Variants in RFTN1 observed in about 807,000 individuals in gnomAD.
The protein encoded by RFTN1 is raftlin, lipid raft linker 1.
RFTN1 carries 26 observed loss-of-function variants against 46.5 expected under a neutral mutation model. That is an observed-to-expected ratio of 0.56 (90% CI 0.41 to 0.78). The LOEUF (loss-of-function observed/expected upper bound fraction) is 0.78. Ranked by LOEUF, RFTN1 falls within the 30% of genes least tolerant of loss-of-function variation. The pLI is 0.00. For missense variants in RFTN1, 693 were observed against 718.7 expected (o/e 0.96, Z 0.41); for synonymous variants, 261 against 284.2 (o/e 0.92, Z 0.82).
intron 3 of RFTN1, among the ~76,000 whole-genome samples, chr3:16,430,095 A>T (rs1190742235): frequency 6.6e-6 from 1 of 151,006 alleles, no homozygotes; most frequent in Non-Finnish European, 1.5e-5. Context: ...ATTGATAAAG[A>T]AAAAGTCCGT....
chr3:16,456,363 GA>G (rs1230928553), intron 2 of RFTN1, among the ~76,000 whole-genome samples: 1 of 152,212 alleles, frequency 6.6e-6, no homozygotes, highest in African/African-American at 2.4e-5. Flanking sequence ...CCTCTTTTTA[GA>G]AAATAAGGTA....
chr3:16,393,565 GTTAC>G (rs1191373098), intron 4 of RFTN1, among the ~76,000 whole-genome samples: 1 of 151,978 alleles, frequency 6.6e-6, no homozygotes, highest in African/African-American at 2.4e-5. Flanking sequence ...GACTCTCTCA[GTTAC>G]TTTATTTTGA....
rs183997293 is a variant in RFTN1 at position 16,337,754 on chromosome 3, A to G, written c.1147-10878T>C. Among the ~76,000 whole-genome samples, 186 of 151,946 alleles carry G rather than the reference A, an allele frequency of 1.2e-3. 1 individual carries two copies. Among genetic ancestry groups the G allele is most frequent in the Admixed American group, 9.1e-3 (139 of 15,276 alleles). ...AGACTCCATCTCAAAAAAAAAAAAA[A>G]AAAGAAAAGAAAGTCACCTCATTTG... On this transcript the variant is annotated intron_variant, in intron 7 of 9. Coordinates refer to ENST00000334133, the MANE Select transcript of RFTN1 (RefSeq NM_015150.2). This position sits in a 1 kb window ranked among gnomAD's most constrained non-coding sequence, Gnocchi z 5.0.
intron 6 of RFTN1, among the ~76,000 whole-genome samples, chr3:16,359,154 G>T (rs940708881): frequency 6.6e-6 from 1 of 151,734 alleles, no homozygotes; most frequent in East Asian, 1.9e-4. Context: ...GGTTCATTTT[G>T]ATAAGGGATT....
At chr3:16,354,703 A>G (rs542885076) in intron 7 of RFTN1, among the ~76,000 whole-genome samples, 8 of 152,336 alleles carry the variant, frequency 5.3e-5, no homozygotes, top group African/African-American at 1.9e-4. Context: ...ATTCTTGACA[A>G]CGAAGCCAGG....
At position 16,378,130 on chromosome 3, in the gene RFTN1, C is replaced by G. The variant is rs1324102312; in HGVS notation, c.442-28G>C. On this transcript the variant is annotated intron_variant, in intron 4 of 9. Coordinates refer to ENST00000334133, the MANE Select transcript of RFTN1 (RefSeq NM_015150.2). ...GTGAGGCAAACAAAAGGAAGGGAAA[C>G]AAGTGAATGAAATGGTCTATCAAAG... The G allele has an allele frequency of 1.9e-6, 3 of 1,586,486 alleles. No individual in the cohort carries two copies. In the African/African-American group the frequency reaches 4.0e-5, roughly 21 times the overall value.
rs371334602 is a variant in RFTN1, at chr3:16,324,514, TGA to T, written c.1251-1059_1251-1058del. On this transcript the variant is annotated intron_variant, in intron 8 of 9. Transcript: ENST00000334133. ...ACTCAACTTTTTTAGATTCCACGTA[TGA>T]GAGAGATTATAAGGTATGTCATTCT... Among the ~76,000 whole-genome samples the T allele has an allele frequency of 1.6e-4, 24 of 152,084 alleles. No individual in the cohort carries two copies. In the East Asian group the frequency reaches 3.1e-3, roughly 20 times the overall value.
intron 8 of RFTN1, among the ~76,000 whole-genome samples, chr3:16,323,943 G>A (rs755282228): frequency 7.9e-5 from 12 of 152,190 alleles, no homozygotes; most frequent in Non-Finnish European, 1.8e-4. Context: ...AGACTGCACA[G>A]CACCAGGCGG....
intron 7 of RFTN1, among the ~76,000 whole-genome samples, chr3:16,331,478 A>G (rs2070304888): frequency 6.6e-6 from 1 of 152,226 alleles, no homozygotes; most frequent in African/African-American, 2.4e-5. Context: ...ATAATGCACT[A>G]TGACCATGCC....
At chr3:16,437,241 A>G (rs2075533407) in intron 2 of RFTN1, among the ~76,000 whole-genome samples, 2 of 152,194 alleles carry the variant, frequency 1.3e-5, no homozygotes. Flanking sequence ...GGAAACAGGC[A>G]TGGCCCTCAT....
At chr3:16,455,141 C>T (rs2075884130) in intron 2 of RFTN1, among the ~76,000 whole-genome samples, 1 of 152,206 alleles carries the variant, frequency 6.6e-6, no homozygotes, top group Non-Finnish European at 1.5e-5. Context: ...AAGAGTTGGA[C>T]CCTGTTGGGA....
Position 16,345,786 on chromosome 3 carries a change from C to CTGTGTGTGTG in RFTN1, c.1146+12145_1146+12146insCACACACACA, listed in dbSNP as rs1553726059. Among the ~76,000 whole-genome samples, 21 of 81,628 alleles carry CTGTGTGTGTG rather than the reference C, an allele frequency of 2.6e-4. No individual in the cohort carries two copies. Among genetic ancestry groups the CTGTGTGTGTG allele is most frequent in the African/African-American group, 5.4e-4 (10 of 18,572 alleles). 53.6% of individuals were successfully genotyped at this position (81,628 alleles called of 152,430 possible). On this transcript the variant is annotated intron_variant, in intron 7 of 9. Coordinates refer to ENST00000334133, the MANE Select transcript of RFTN1 (RefSeq NM_015150.2). This position sits in a 1 kb window ranked among gnomAD's most constrained non-coding sequence, Gnocchi z 5.2. ...CATGAGCCAAAACCTTATAATAAAT[C>CTGTGTGTGTG]TCTGTGTGTGTGTGTGTGTGTGTGT...
chr3:16,358,888 T>C (rs1481208308), intron 6 of RFTN1, among the ~76,000 whole-genome samples: 1 of 151,640 alleles, frequency 6.6e-6, no homozygotes, highest in Non-Finnish European at 1.5e-5. Context: ...AAAAATTAGC[T>C]GGGCGTGGCA....
chr3:16,464,018 T>G (rs1282015259), intron 2 of RFTN1, among the ~76,000 whole-genome samples: 1 of 152,092 alleles, frequency 6.6e-6, no homozygotes, highest in Non-Finnish European at 1.5e-5. Flanking sequence ...TACTGAACTG[T>G]AAATCCTTAT....
At position 16,337,673 on chromosome 3, in the gene RFTN1, C is replaced by A. The variant is rs919538514; in HGVS notation, c.1147-10797G>T. On this transcript the variant is annotated intron_variant, in intron 7 of 9. Transcript: ENST00000334133. This position sits in a 1 kb window ranked among gnomAD's most constrained non-coding sequence, Gnocchi z 5.0. ...AGGAGAATCGCTTGAACCCAGGAGGCGGAGGTTGCAGTGAGCCCAGATTGC... is the reference window on the plus strand; with the variant it reads ...AGGAGAATCGCTTGAACCCAGGAGGAGGAGGTTGCAGTGAGCCCAGATTGC... 6.8e-6 allele frequency among the ~76,000 whole-genome samples: 1 copy of A among 147,000 alleles called. No homozygotes were observed. Among genetic ancestry groups the A allele is most frequent in the Non-Finnish European group, 1.5e-5 (1 of 67,480 alleles).
intron 7 of RFTN1, among the ~76,000 whole-genome samples, chr3:16,343,689 A>G (rs1385177551): frequency 6.6e-6 from 1 of 152,206 alleles, no homozygotes; most frequent in African/African-American, 2.4e-5. Context: ...CTAACCTCAT[A>G]TTATCCAATT....
rs1160594861 is a variant in RFTN1, at chr3:16,387,284, C to T, written c.442-9182G>A. Among the ~76,000 whole-genome samples the T allele has an allele frequency of 1.3e-5, 2 of 152,254 alleles. No individual in the cohort carries two copies. The highest frequency in any genetic ancestry group is 2.9e-5 in the Non-Finnish European group (2 of 68,044). On this transcript the variant is annotated intron_variant, in intron 4 of 9. Transcript: ENST00000334133. The surrounding 1 kb of genome is among the most constrained non-coding windows in gnomAD (Gnocchi z 5.2). ...GCCACACGGCCACCCTGCAGTGGCT[C>T]CCTTCCTCCCTGATCAGCTGTCTTG...
rs939106439 is a variant in RFTN1 at position 16,465,350 on chromosome 3, C to T, written c.145+28375G>A. Among the ~76,000 whole-genome samples the T allele has an allele frequency of 8.6e-5, 13 of 151,412 alleles. No homozygotes were observed. Among genetic ancestry groups the T allele is most frequent in the East Asian group, 7.8e-4 (4 of 5,148 alleles). ...AATTTTTATCCATTTGATTGCTGAA[C>T]GCTTTCATCAAGGCAATTCTCTGAG... On this transcript the variant is annotated intron_variant, in intron 2 of 9. Transcript: ENST00000334133. This position sits in a 1 kb window ranked among gnomAD's most constrained non-coding sequence, Gnocchi z 5.1.
At chr3:16,409,987 G>T (rs1033860661) in intron 3 of RFTN1, among the ~76,000 whole-genome samples, 1 of 132,526 alleles carries the variant, frequency 7.5e-6, no homozygotes, top group African/African-American at 2.8e-5. Flanking sequence ...GTGCCCAGAC[G>T]CAGAATATTT....
Sources: allele counts gnomAD v4.1 joint callset (sites outside exome capture counted in the v4.1 genomes callset), GRCh38; gene constraint gnomAD v4.1.1; non-coding constraint Gnocchi (gnomAD v3.1); transcripts MANE v1.5; gene names NCBI Gene and HGNC (gene_info 2026-07-23, HGNC 2026-07-21).